LAMA3: variants seen among roughly 807,000 people sequenced by gnomAD.
LAMA3 encodes the protein laminin subunit alpha 3, also known as laminin subunit alpha-3.
In LAMA3, 281 loss-of-function variants were observed where a neutral mutation model predicts 402.0. The ratio of observed to expected loss-of-function variants is 0.70; its 90% CI spans 0.63 to 0.77. The LOEUF is 0.77. Ranked by LOEUF, LAMA3 falls within the 30% of genes least tolerant of loss-of-function variation. LAMA3 has a pLI of 0.00. For missense variants in LAMA3, 3,840 were observed against 4,215.5 expected, an observed-to-expected ratio of 0.91 and a Z score of 2.47; for synonymous variants, 1,431 against 1,558.4, an observed-to-expected ratio of 0.92 and a Z score of 1.93.
At position 23,725,751 on chromosome 18, in the gene LAMA3, C is replaced by T. The variant is rs143588960; in HGVS notation, c.447+11679C>T. On this transcript the variant is annotated intron_variant, in intron 2 of 74. Transcript: ENST00000313654. ...CCTGGCAGCTTCTGCTGCTCTTCCT[C>T]ACAAGGTTCCCTTTGGTCTTGTAGC... is the stretch of plus-strand genomic sequence containing the variant. Among the ~76,000 whole-genome samples, 388 of 152,366 alleles carry T rather than the reference C, an allele frequency of 2.5e-3. 2 individuals are homozygous for T. The highest frequency in any genetic ancestry group is 9.1e-3 in the African/African-American group (377 of 41,590).
chr18:23,873,101 G>A (rs773213670), intron 38 of LAMA3: 4 of 1,614,178 alleles, frequency 2.5e-6, no homozygotes, highest in Non-Finnish European at 3.4e-6. Flanking sequence ...GGATCTTTGG[G>A]GCAGCCCTGG....
chr18:23,728,388 C>A (rs1206228545), intron 2 of LAMA3, among the ~76,000 whole-genome samples: 1 of 152,110 alleles, frequency 6.6e-6, no homozygotes, highest in African/African-American at 2.4e-5. Context: ...TGCAGTATCC[C>A]AGCTGTTTCA....
chr18:23,824,523 AGGAATAT>A lies in LAMA3; in HGVS notation c.2532_2538del (p.Ile845LeufsTer53). On this transcript the variant is annotated frameshift_variant, in exon 21 of 75. Coordinates refer to ENST00000313654, the MANE Select transcript of LAMA3 (RefSeq NM_198129.4). LOFTEE classifies it high-confidence loss of function. ...TTGCAGACCCATTTTCAATCACACCAGGAATATGGGTTGCTTGTATTAAGGCAGAAGG... is the reference window on the plus strand; with the variant it reads ...TTGCAGACCCATTTTCAATCACACCAGGGTTGCTTGTATTAAGGCAGAAGG... 1 of 1,614,158 alleles carries A rather than the reference AGGAATAT, an allele frequency of 6.2e-7. No individual in the cohort carries two copies. Among genetic ancestry groups the A allele is most frequent in the Non-Finnish European group, 8.5e-7 (1 of 1,179,984 alleles).
At chr18:23,849,682 A>C (rs1337661726) in intron 32 of LAMA3, among the ~76,000 whole-genome samples, 1 of 152,224 alleles carries the variant, frequency 6.6e-6, no homozygotes, top group African/African-American at 2.4e-5. Flanking sequence ...GTCACTGCCA[A>C]TGATAATTTA....
chr18:23,847,771 G>A (rs912315829), intron 32 of LAMA3, 103 bp downstream of exon 32: 15 of 1,238,744 alleles, frequency 1.2e-5, no homozygotes, highest in East Asian at 2.5e-5. Flanking sequence ...CTGTCCAGGG[G>A]TGCCCTGTGT....
intron 15 of LAMA3, 121 bp from the exon 16 acceptor site, chr18:23,815,067 C>G: frequency 1.2e-6 from 1 of 840,588 alleles, no homozygotes; most frequent in Non-Finnish European, 2.0e-6. Context: ...AACTCTCATT[C>G]TGTTGAACTG....
At chr18:23,924,074 C>T (rs1035823151) in intron 62 of LAMA3, among the ~76,000 whole-genome samples, 2 of 151,600 alleles carry the variant, frequency 1.3e-5, no homozygotes, top group Non-Finnish European at 1.5e-5. Context: ...AGGCTGGTCT[C>T]GAACTTCTAG....
At chr18:23,749,671 C>G in intron 4 of LAMA3, 125 bp downstream of exon 4, 1 of 763,834 alleles carries the variant, frequency 1.3e-6, no homozygotes, top group South Asian at 1.4e-5. Flanking sequence ...GGAAACAGGG[C>G]TTGGGACTGA....
At chr18:23,862,211 C>T (rs2064240872) in intron 35 of LAMA3, among the ~76,000 whole-genome samples, 1 of 152,200 alleles carries the variant, frequency 6.6e-6, no homozygotes, top group Non-Finnish European at 1.5e-5. Flanking sequence ...CGAAAGCTAA[C>T]AAGTGACTCA....
rs561814590 is a variant in LAMA3, at chr18:23,899,708, C to T, written c.6004+253C>T. 10 of 402,668 alleles carry T rather than the reference C, an allele frequency of 2.5e-5. No homozygotes were observed. In the Admixed American group the frequency reaches 2.8e-4, roughly 11 times the overall value. The allele number at this position is 402,668 out of a possible 1,614,324, so 24.9% of individuals were successfully genotyped here. A position where few individuals can be genotyped will look rare whatever the true frequency, so the allele number is the denominator to read the frequency against. ...TCTTCTAAAAGTTAGATATGGTTGC[C>T]TCTTTTTCCTTCTTAACTGCATTTT... On this transcript the variant is annotated intron_variant, in intron 47 of 74. Transcript: ENST00000313654.
chr18:23,713,786 C>T, intron 1 of LAMA3, 134 bp from the exon 2 acceptor site: 1 of 749,020 alleles, frequency 1.3e-6, no homozygotes, highest in African/African-American at 1.8e-5. Flanking sequence ...TGAATTTTAA[C>T]AGCTGACTTC....
chr18:23,847,336 G>A, intron 31 of LAMA3, 128 bp from the exon 32 acceptor site: 1 of 965,820 alleles, frequency 1.0e-6, no homozygotes, highest in Non-Finnish European at 1.6e-6. Flanking sequence ...CAAGAAATGG[G>A]CCTTTCAGAT....
intron 39 of LAMA3, among the ~76,000 whole-genome samples, chr18:23,878,301 T>G (rs2064789080): frequency 6.6e-6 from 1 of 152,260 alleles, no homozygotes; most frequent in Admixed American, 6.5e-5. Flanking sequence ...CATTTTATTT[T>G]TTTTGTAGTT....
At chr18:23,810,640 C>G (rs987615440) in intron 13 of LAMA3, 137 bp downstream of exon 13, 4 of 947,324 alleles carry the variant, frequency 4.2e-6, no homozygotes, top group Admixed American at 1.9e-5. Flanking sequence ...ATCTAGTCTG[C>G]TTGGTTCCTC....
chr18:23,729,693 T>C (rs775078175), intron 2 of LAMA3, among the ~76,000 whole-genome samples: 1 of 152,236 alleles, frequency 6.6e-6, no homozygotes, highest in Non-Finnish European at 1.5e-5. Flanking sequence ...CTAAGCACTT[T>C]ACCATTATTA....
At chr18:23,795,104 A>G (rs1475400418) in intron 12 of LAMA3, among the ~76,000 whole-genome samples, 1 of 152,234 alleles carries the variant, frequency 6.6e-6, no homozygotes, top group Non-Finnish European at 1.5e-5. Flanking sequence ...ATGCACACAG[A>G]AGGAATCCCA....
At chr18:23,699,024 TAGAG>T (rs34691495) in intron 1 of LAMA3, among the ~76,000 whole-genome samples, 3,836 of 142,470 alleles carry the variant, frequency 0.027, 90 homozygotes, top group East Asian at 0.16. Flanking sequence ...GGCGGGCAGA[TAGAG>T]AGAGAGAGAG....
intron 51 of LAMA3, 33 bp from the exon 52 acceptor site, chr18:23,905,489 T>A: frequency 1.7e-6 from 2 of 1,198,334 alleles, no homozygotes; most frequent in Non-Finnish European, 2.5e-6. Flanking sequence ...ACATATAGCA[T>A]TTGTTTAAGG....
chr18:23,811,173 A>G (rs1207175177), intron 13 of LAMA3, among the ~76,000 whole-genome samples: 3 of 152,150 alleles, frequency 2.0e-5, no homozygotes, highest in South Asian at 2.1e-4. Context: ...AGGCTTGCCC[A>G]TGTACCATGG....
Sources: allele counts gnomAD v4.1 joint callset (sites outside exome capture counted in the v4.1 genomes callset), GRCh38; gene constraint gnomAD v4.1.1; transcripts MANE v1.5; gene names NCBI Gene and HGNC (gene_info 2026-07-23, HGNC 2026-07-21).